The following HS3ST4 variants were observed in gnomAD, a reference collection of about 807,000 sequenced individuals.
HS3ST4 encodes heparan sulfate-glucosamine 3-sulfotransferase 4.
HS3ST4 carries 17 observed loss-of-function variants against 29.2 expected under a neutral mutation model. The ratio of observed to expected loss-of-function variants is 0.58; its 90% CI spans 0.40 to 0.87. The LOEUF (loss-of-function observed/expected upper bound fraction) is 0.87. HS3ST4 is among the 40% of genes least tolerant of loss of function. The probability of loss-of-function intolerance (pLI) is 0.00; values close to 1 mark genes in which losing one functional copy is unlikely to be tolerated. For synonymous variants in HS3ST4, 314 were observed against 285.7 expected (o/e 1.10, Z -1.00); for missense variants, 627 against 634.5 (o/e 0.99, Z 0.13).
At chr16:25,871,786 C>G (rs555384245) in intron 1 of HS3ST4, among the ~76,000 whole-genome samples, 2 of 152,228 alleles carry the variant, frequency 1.3e-5, no homozygotes, top group African/African-American at 4.8e-5. Flanking sequence ...TCAAGCAGTG[C>G]ATGGGTGGAT....
At chr16:25,996,622 T>C (rs1969161221) in intron 1 of HS3ST4, among the ~76,000 whole-genome samples, 2 of 152,330 alleles carry the variant, frequency 1.3e-5, no homozygotes, top group South Asian at 2.1e-4. Flanking sequence ...TTTCCCCCAA[T>C]CTATTTATTC....
chr16:26,136,195 T>C lies in HS3ST4; in HGVS notation c.1318T>C (p.Tyr440His). The change falls in exon 2 of 2, where the codon TAC (tyrosine) becomes CAC (histidine). Residue 440 changes from tyrosine (Y) to histidine (H), a missense_variant. By Grantham distance (83) the Tyr-to-His change is moderately conservative. Coordinates refer to ENST00000331351, the MANE Select transcript of HS3ST4 (RefSeq NM_006040.3). ...KFYKPFNLMF[Y>H]QMTGQDFQWE... Reference sequence around the variant, plus strand: ...CTACAAACCCTTCAACTTGATGTTTTACCAAATGACTGGTCAAGATTTTCA... The same window carrying C: ...CTACAAACCCTTCAACTTGATGTTTCACCAAATGACTGGTCAAGATTTTCA... 6.2e-7 allele frequency: 1 copy of C among 1,613,468 alleles called. No individual in the cohort carries two copies. Among genetic ancestry groups the C allele is most frequent in the South Asian group, 1.1e-5 (1 of 90,934 alleles).
chr16:25,927,519 G>A (rs1389853864), intron 1 of HS3ST4, among the ~76,000 whole-genome samples: 1 of 152,194 alleles, frequency 6.6e-6, no homozygotes, highest in Non-Finnish European at 1.5e-5. Context: ...AAATTCCCGT[G>A]ACAGCTTTGA....
chr16:25,884,188 A>G (rs577712592), intron 1 of HS3ST4, among the ~76,000 whole-genome samples: 132 of 152,252 alleles, frequency 8.7e-4, no homozygotes, highest in Non-Finnish European at 1.5e-3. Context: ...TGGAGGGTGC[A>G]TAGAGAAGGT....
intron 1 of HS3ST4, among the ~76,000 whole-genome samples, chr16:26,038,088 T>C (rs1334711165): frequency 6.6e-6 from 1 of 152,070 alleles, no homozygotes; most frequent in African/African-American, 2.4e-5. Flanking sequence ...CTATAACCCC[T>C]CTCTTGCCAC....
rs1258490281 is a variant in HS3ST4, at chr16:26,137,284, G to C, written c.*1036G>C. 6.6e-6 allele frequency: 1 copy of C among 152,172 alleles called. No homozygotes were observed. Among genetic ancestry groups the C allele is most frequent in the Non-Finnish European group, 1.5e-5 (1 of 68,050 alleles). The allele number at this position is 152,172 out of a possible 1,614,324, so 9.4% of individuals were successfully genotyped here. A position where few individuals can be genotyped will look rare whatever the true frequency, so the allele number is the denominator to read the frequency against. On this transcript the variant is annotated 3_prime_UTR_variant, in exon 2 of 2. Transcript: ENST00000331351. ...GTTATTAGGAATAATCCTTAGCCAT[G>C]TAATGGAGAAAGGAGCAGTCAGCAT...
At chr16:25,948,463 C>G (rs911527988) in intron 1 of HS3ST4, among the ~76,000 whole-genome samples, 1 of 152,064 alleles carries the variant, frequency 6.6e-6, no homozygotes, top group Non-Finnish European at 1.5e-5. Flanking sequence ...TCTTGAAATG[C>G]ACTCGACCCC....
chr16:26,127,025 T>G (rs1899353114), intron 1 of HS3ST4, among the ~76,000 whole-genome samples: 1 of 151,688 alleles, frequency 6.6e-6, no homozygotes. Flanking sequence ...TGTGTGATGG[T>G]GGTGGTGGTG....
chr16:25,996,279 G>A (rs1353379195), intron 1 of HS3ST4, among the ~76,000 whole-genome samples: 2 of 152,152 alleles, frequency 1.3e-5, no homozygotes, highest in Non-Finnish European at 2.9e-5. Context: ...TCCTCCACCA[G>A]AGGGCCAGGG....
In HS3ST4 at chr16:25,730,533, C is replaced by G. The variant is rs142311022; in HGVS notation, c.734+37382C>G. 5.5e-5 allele frequency among the ~76,000 whole-genome samples: 8 copies of G among 146,542 alleles called. No individual in the cohort carries two copies. The East Asian group carries it at 1.7e-3, about 31-fold the overall frequency. ...TCCTTCCCTCCCTCTGTCCTTCTCTCCCTCTCTTCCTTATCTCCCTCTGTT... is the reference window on the plus strand; with the variant it reads ...TCCTTCCCTCCCTCTGTCCTTCTCTGCCTCTCTTCCTTATCTCCCTCTGTT... On this transcript the variant is annotated intron_variant, in intron 1 of 1. Transcript: ENST00000331351.
chr16:25,841,361 G>A (rs988382651), intron 1 of HS3ST4, among the ~76,000 whole-genome samples: 1 of 152,060 alleles, frequency 6.6e-6, no homozygotes, highest in African/African-American at 2.4e-5. Flanking sequence ...GTGCAGTGGC[G>A]TGATCATGGC....
intron 1 of HS3ST4, among the ~76,000 whole-genome samples, chr16:26,102,560 C>T (rs1899002190): frequency 6.6e-6 from 1 of 152,162 alleles, no homozygotes; most frequent in African/African-American, 2.4e-5. Flanking sequence ...CCTTGGGCAA[C>T]ATGAGGCTCT....
At chr16:25,973,654 T>C (rs774214959) in intron 1 of HS3ST4, among the ~76,000 whole-genome samples, 2 of 152,210 alleles carry the variant, frequency 1.3e-5, no homozygotes, top group Non-Finnish European at 2.9e-5. Context: ...AATTTCCTCA[T>C]CTGAAAACGA....
chr16:25,953,612 G>A (rs1034195475), intron 1 of HS3ST4, among the ~76,000 whole-genome samples: 2 of 152,174 alleles, frequency 1.3e-5, no homozygotes, highest in Admixed American at 6.5e-5. Context: ...GATGAGATGG[G>A]TGGAGCATGA....
intron 1 of HS3ST4, among the ~76,000 whole-genome samples, chr16:25,769,986 C>A (rs889303585): frequency 3.3e-5 from 5 of 152,156 alleles, no homozygotes; most frequent in Non-Finnish European, 5.9e-5. Flanking sequence ...TTTTGGGGGT[C>A]ACTGAAAGGA....
intron 1 of HS3ST4, among the ~76,000 whole-genome samples, chr16:26,097,934 G>A (rs1898947678): frequency 6.6e-6 from 1 of 152,182 alleles, no homozygotes; most frequent in Admixed American, 6.5e-5. Context: ...GTTATGAACA[G>A]ACACTTCTCA....
intron 1 of HS3ST4, among the ~76,000 whole-genome samples, chr16:25,874,149 C>G (rs969529139): frequency 6.6e-6 from 1 of 152,086 alleles, no homozygotes; most frequent in Non-Finnish European, 1.5e-5. Flanking sequence ...ACTGTTGTAT[C>G]CTTACCCCTA....
At position 26,051,853 on chromosome 16, in the gene HS3ST4, C is replaced by G. The variant is rs187771213; in HGVS notation, c.735-83759C>G. 1.9e-3 allele frequency among the ~76,000 whole-genome samples: 280 copies of G among 149,426 alleles called. 3 individuals carry two copies. The highest frequency in any genetic ancestry group is 6.8e-3 in the African/African-American group (275 of 40,520). ...CTCCCTCCCGTCTCTTTCTCTCTTTCTTTTCTCCTTCCCTGCCTCCCTCCC... is the reference window on the plus strand; with the variant it reads ...CTCCCTCCCGTCTCTTTCTCTCTTTGTTTTCTCCTTCCCTGCCTCCCTCCC... On this transcript the variant is annotated intron_variant, in intron 1 of 1. Coordinates refer to ENST00000331351, the MANE Select transcript of HS3ST4 (RefSeq NM_006040.3).
chr16:26,049,603 C>CCAAG (rs968968211), intron 1 of HS3ST4, among the ~76,000 whole-genome samples: 135 of 151,918 alleles, frequency 8.9e-4, no homozygotes, highest in African/African-American at 2.8e-3. Flanking sequence ...CCCCCACACA[C>CCAAG]CAAGCAAGCA....
Sources: allele counts gnomAD v4.1 joint callset (sites outside exome capture counted in the v4.1 genomes callset), GRCh38; gene constraint gnomAD v4.1.1; transcripts MANE v1.5; gene names NCBI Gene and HGNC (gene_info 2026-07-23, HGNC 2026-07-21).